The following SACS variants were observed in gnomAD, a reference collection of about 807,000 sequenced individuals.
SACS encodes the protein sacsin.
Under a neutral mutation model 348.0 loss-of-function variants are expected in SACS, and 197 were observed. That is an observed-to-expected ratio of 0.57 (90% CI 0.50 to 0.64). The LOEUF is 0.64. Among genes scored for constraint, SACS ranks in the 30% least tolerant of loss-of-function variants. The pLI, the probability that SACS is intolerant of heterozygous loss-of-function variation, is 0.00. For synonymous variants in SACS, 1,985 were observed against 1,910.6 expected (o/e 1.04, Z -1.02); for missense variants, 4,999 against 5,360.8 (o/e 0.93, Z 2.11).
Position 23,338,045 on chromosome 13 carries a change from G to T in SACS, c.5831C>A (p.Ala1944Glu). The T allele has an allele frequency of 1.9e-6, 3 of 1,613,760 alleles. No homozygotes were observed. Among genetic ancestry groups the T allele is most frequent in the Non-Finnish European group, 2.5e-6 (3 of 1,179,840 alleles). ...SGELMDYTYY[A>E]VWPDPDLVHD... ...AACTAAATCAGGATCGGGCCATACTGCATAGTAAGTATAATCCATTAGCTC... is the reference window on the plus strand; with the variant it reads ...AACTAAATCAGGATCGGGCCATACTTCATAGTAAGTATAATCCATTAGCTC... The change falls in exon 10 of 10, where the codon GCA (alanine) becomes GAA (glutamate). Residue 1944 changes from alanine to glutamate, a missense_variant. Physicochemically the swap from Ala to Glu is moderately radical, Grantham distance 107. Coordinates refer to ENST00000382292, the MANE Select transcript of SACS (RefSeq NM_014363.6).
chr13:23,338,168 T>C lies in SACS; in HGVS notation c.5708A>G (p.Asp1903Gly). ...TSNRKEIWKT[D>G]TKGRWNTTFM... ...CGTGGTATTCCATCGTCCTTTTGTA[T>C]CTGTTTTCCAGATTTCTTTCCTATT... Residue 1903 changes from aspartate to glycine, a missense_variant, in exon 10 of 10, where the codon GAT becomes GGT. Asp to Gly is a moderately conservative substitution (Grantham distance 94). Coordinates refer to ENST00000382292, the MANE Select transcript of SACS (RefSeq NM_014363.6). 6.2e-7 allele frequency: 1 copy of C among 1,614,170 alleles called. No homozygotes were observed. Among genetic ancestry groups the C allele is most frequent in the East Asian group, 2.2e-5 (1 of 44,888 alleles).
Position 23,336,890 on chromosome 13 carries a change from T to A in SACS, c.6986A>T (p.Gln2329Leu). The A allele has an allele frequency of 6.2e-7, 1 of 1,613,518 alleles. No homozygotes were observed. Among genetic ancestry groups the A allele is most frequent in the East Asian group, 2.2e-5 (1 of 44,866 alleles). Residue 2329 changes from glutamine (Q) to leucine (L), a missense_variant, in exon 10 of 10, where the codon CAA becomes CTA. By Grantham distance (113) the Gln-to-Leu change is moderately radical. Transcript: ENST00000382292. ...AATTGACATCTTAGTGATTTCATTT[T>A]GCATCAAGGCTTCATGAAGGTATTT... The part of the protein sequence containing the change: ...CYKYLHEALM[Q>L]NEITKMSIID...
chr13:23,371,593 A>C (rs1206140610), intron 3 of SACS, among the ~76,000 whole-genome samples: 3 of 152,318 alleles, frequency 2.0e-5, no homozygotes, highest in South Asian at 2.1e-4. Flanking sequence ...TGATTGCATA[A>C]AATAAGCTGG....
chr13:23,351,752 G>A (rs1869971198), intron 9 of SACS, among the ~76,000 whole-genome samples: 1 of 152,058 alleles, frequency 6.6e-6, no homozygotes, highest in Non-Finnish European at 1.5e-5. Flanking sequence ...ATAAAGAAAA[G>A]TGACCATCAA....
In SACS at chr13:23,337,981, T is replaced by G. The variant is rs1455482678; in HGVS notation, c.5895A>C (p.Glu1965Asp). The change falls in exon 10 of 10, where the codon GAA (glutamate) becomes GAC (aspartate). Residue 1965 changes from glutamate to aspartate, a missense_variant. By Grantham distance (45) the Glu-to-Asp change is conservative (BLOSUM62 2). This residue lies in a region of SACS where 3,156 missense variants were observed against 3,380.1 expected (regional missense o/e 0.93). Coordinates refer to ENST00000382292, the MANE Select transcript of SACS (RefSeq NM_014363.6). Reference protein sequence around the residue: ...DFSVICQGFYEDIAHGKGKEL... With the variant: ...DFSVICQGFYDDIAHGKGKEL... The stretch of plus-strand genomic sequence containing the variant: ...CTTTCCCTTTTCCATGAGCTATATC[T>G]TCATAAAATCCTTGGCAAATTACAG... 1 of 1,613,978 alleles carries G rather than the reference T, an allele frequency of 6.2e-7. No individual in the cohort carries two copies.
Position 23,335,723 on chromosome 13 carries a change from G to A in SACS, c.8153C>T (p.Ala2718Val), listed in dbSNP as rs760872149. The change falls in exon 10 of 10, where the codon GCA becomes GTA. Residue 2718 changes from alanine to valine, a missense_variant. Transcript: ENST00000382292. This position sits in a 1 kb window ranked among gnomAD's most constrained non-coding sequence, Gnocchi z 4.7. ...AAGATTCTGGACCATTCTGTCTGAT[G>A]CTGGAACAGACGAAATTTCCGAAAC... is the stretch of plus-strand genomic sequence containing the variant. ...AKVSEISSVPASDRMVQNLLD... is the reference protein window; with the variant it reads ...AKVSEISSVPVSDRMVQNLLD... 2.5e-6 allele frequency: 4 copies of A among 1,613,910 alleles called. No individual in the cohort carries two copies. The highest frequency in any genetic ancestry group is 1.1e-5 in the South Asian group (1 of 91,082).
At position 23,336,504 on chromosome 13, in the gene SACS, G is replaced by A. The variant is rs1593127509; in HGVS notation, c.7372C>T (p.Leu2458Phe). ...YGKILLPDTNLMLLPAKSLCY... is the reference protein window; with the variant it reads ...YGKILLPDTNFMLLPAKSLCY... ...AACGATTTAGCAGGGAGAAGCATAA[G>A]ATTAGTATCTGGCAATAATATCTTG... The change falls in exon 10 of 10, where the codon CTT becomes TTT. Residue 2458 changes from leucine to phenylalanine, a missense_variant. Physicochemically the swap from Leu to Phe is conservative, Grantham distance 22. Coordinates refer to ENST00000382292, the MANE Select transcript of SACS (RefSeq NM_014363.6). 1 of 1,613,970 alleles carries A rather than the reference G, an allele frequency of 6.2e-7. No individual in the cohort carries two copies. The highest frequency in any genetic ancestry group is 8.5e-7 in the Non-Finnish European group (1 of 1,179,888).
intron 6 of SACS, among the ~76,000 whole-genome samples, chr13:23,361,771 C>T (rs1870747231): frequency 6.6e-6 from 1 of 151,326 alleles, no homozygotes; most frequent in East Asian, 1.9e-4. Context: ...GAACAAAACT[C>T]CGTTTCGAAA....
At chr13:23,425,442 G>A (rs1202200511) in intron 1 of SACS, among the ~76,000 whole-genome samples, 1 of 152,104 alleles carries the variant, frequency 6.6e-6, no homozygotes, top group Non-Finnish European at 1.5e-5. Flanking sequence ...CTAGGGCCTG[G>A]CATCAACCTG....
rs775533946 is a variant in SACS, at chr13:23,334,734, G to A, written c.9142C>T (p.Arg3048Cys). Residue 3048 changes from arginine to cysteine, a missense_variant, in exon 10 of 10, where the codon CGC becomes TGC. By Grantham distance (180) the Arg-to-Cys change is radical. Around this residue, in one of 6 missense-constraint regions of SACS, gnomAD observed 734 missense variants for 694.0 expected, o/e 1.06. Transcript: ENST00000382292. Reference sequence around the variant, plus strand: ...TAGACATTCTCTGCTACTGTTTTGCGTGTGGTGATATTATAATCTGCATTT... The same window carrying A: ...TAGACATTCTCTGCTACTGTTTTGCATGTGGTGATATTATAATCTGCATTT... ...LKNADYNITT[R>C]KTVAENVYRL... is the part of the protein sequence containing the mutation. 1.6e-5 allele frequency: 26 copies of A among 1,613,580 alleles called. No individual in the cohort carries two copies. Among genetic ancestry groups the A allele is most frequent in the South Asian group, 3.3e-5 (3 of 91,070 alleles).
Position 23,331,821 on chromosome 13 carries a change from T to C in SACS, c.12055A>G (p.Met4019Val), listed in dbSNP as rs1193152088. 6.2e-7 allele frequency: 1 copy of C among 1,614,082 alleles called. No homozygotes were observed. The highest frequency in any genetic ancestry group is 1.1e-5 in the South Asian group (1 of 91,080). Residue 4019 changes from methionine (M) to valine (V), a missense_variant, in exon 10 of 10, where the codon ATG (methionine) becomes GTG (valine). This residue lies in a region of SACS where 831 missense variants were observed against 941.8 expected (regional missense o/e 0.88). Transcript: ENST00000382292. ...EQFITGLIRIMKHENDNAFLA... is the reference protein window; with the variant it reads ...EQFITGLIRIVKHENDNAFLA... ...AAAGCATTATCATTTTCATGCTTCA[T>C]AATTCTAATCAGTCCTGTAATGAAC...
At position 23,331,671 on chromosome 13, in the gene SACS, T is replaced by C; in HGVS notation, c.12205A>G (p.Arg4069Gly). 1.2e-6 allele frequency: 2 copies of C among 1,613,990 alleles called. No homozygotes were observed. The highest frequency in any genetic ancestry group is 1.7e-6 in the Non-Finnish European group (2 of 1,179,956). Residue 4069 changes from arginine to glycine, a missense_variant, in exon 10 of 10, where the codon AGA becomes GGA. Coordinates refer to ENST00000382292, the MANE Select transcript of SACS (RefSeq NM_014363.6). ...TTCAAAAAAGCAAAAGTTTCACTTCTGCTGTGGGGAATAGGATTAAAACCT... is the reference window on the plus strand; with the variant it reads ...TTCAAAAAAGCAAAAGTTTCACTTCCGCTGTGGGGAATAGGATTAAAACCT... ...VKGFNPIPHSRSETFAFLKRF... is the reference protein window; with the variant it reads ...VKGFNPIPHSGSETFAFLKRF...
At chr13:23,420,585 G>T (rs570913690) in intron 1 of SACS, among the ~76,000 whole-genome samples, 1 of 152,204 alleles carries the variant, frequency 6.6e-6, no homozygotes, top group Non-Finnish European at 1.5e-5. Context: ...GCTAGGGCCT[G>T]GGTATTCACC....
At chr13:23,371,522 T>A (rs1000511978) in intron 3 of SACS, among the ~76,000 whole-genome samples, 3 of 152,170 alleles carry the variant, frequency 2.0e-5, no homozygotes, top group East Asian at 3.8e-4. Context: ...CCATGAGACC[T>A]CAACACATAT....
chr13:23,341,409 G>A lies in SACS; in HGVS notation c.2467C>T (p.Pro823Ser), dbSNP rs773740030. ...TCATCGTCTAAAATGACTAACGATG[G>A]AATCCTGAGTCTAATGAGTTCCACA... ...TCVELIRLRI[P>S]SLVILDDESE... Residue 823 changes from proline to serine, a missense_variant, in exon 10 of 10, where the codon CCA becomes TCA. Physicochemically the swap from Pro to Ser is moderately conservative, Grantham distance 74 (BLOSUM62 -1). Transcript: ENST00000382292. 1.2e-6 allele frequency: 2 copies of A among 1,611,974 alleles called. No homozygotes were observed. Among genetic ancestry groups the A allele is most frequent in the African/African-American group, 2.7e-5 (2 of 74,818 alleles).
At chr13:23,412,036 G>T (rs1211823824) in intron 1 of SACS, among the ~76,000 whole-genome samples, 2 of 152,262 alleles carry the variant, frequency 1.3e-5, no homozygotes, top group Non-Finnish European at 2.9e-5. Context: ...GAGGCGCGCA[G>T]GTCACAAGGT....
Position 23,403,298 on chromosome 13 carries a change from C to T in SACS, c.20+7922G>A, listed in dbSNP as rs564263987. On this transcript the variant is annotated intron_variant, in intron 2 of 9. Coordinates refer to ENST00000382292, the MANE Select transcript of SACS (RefSeq NM_014363.6). The stretch of plus-strand genomic sequence containing the variant: ...TCATAAAATGAGTTAGGGAGGAGTC[C>T]CTCTTTTTCTGTTGTTCGGAATAGT... 3.9e-5 allele frequency among the ~76,000 whole-genome samples: 6 copies of T among 152,208 alleles called. 1 individual carries two copies. The South Asian group carries it at 1.2e-3, about 32-fold the overall frequency.
In SACS at chr13:23,355,869, G is replaced by A. The variant is rs1239553890; in HGVS notation, c.743C>T (p.Ala248Val). The A allele has an allele frequency of 6.2e-7, 1 of 1,614,046 alleles. No individual in the cohort carries two copies. Among genetic ancestry groups the A allele is most frequent in the East Asian group, 2.2e-5 (1 of 44,892 alleles). ...KEISELSDQF[A>V]PFVGIFGSTK... ...GCTTCCAAAAATGCCAACAAATGGT[G>A]CAAACTGGTCTGAAAGTTCACTAAT... The change falls in exon 8 of 10, where the codon GCA (alanine) becomes GTA (valine). Residue 248 changes from alanine (A) to valine (V), a missense_variant. By Grantham distance (64) the Ala-to-Val change is moderately conservative. This residue lies in a region of SACS where 3,156 missense variants were observed against 3,380.1 expected (regional missense o/e 0.93). Transcript: ENST00000382292.
At chr13:23,397,424 A>T (rs1872752499) in intron 2 of SACS, among the ~76,000 whole-genome samples, 1 of 152,230 alleles carries the variant, frequency 6.6e-6, no homozygotes, top group Non-Finnish European at 1.5e-5. Flanking sequence ...AAGCTCACTA[A>T]GATTGGATTA....
Sources: gnomAD v4.1 joint callset for allele counts (sites outside exome capture counted in the v4.1 genomes callset) on GRCh38, gnomAD v4.1.1 for gene constraint, gnomAD v4.1.1 regional missense constraint, Gnocchi (gnomAD v3.1) non-coding constraint, MANE v1.5 for transcripts, NCBI Gene and HGNC (gene_info 2026-07-23, HGNC 2026-07-21) for gene names.